USP22: variants seen among roughly 807,000 people sequenced by gnomAD.
USP22 encodes the protein ubiquitin specific peptidase 22.
In USP22, 22 loss-of-function variants were observed where a neutral mutation model predicts 68.1. The ratio of observed to expected loss-of-function variants is 0.32; its 90% CI spans 0.23 to 0.46. USP22 has a LOEUF of 0.46. Among genes scored for constraint, USP22 ranks in the 20% least tolerant of loss-of-function variants. The pLI is 1.00. For synonymous variants in USP22, 279 were observed against 274.2 expected (o/e 1.02, Z -0.17); for missense variants, 433 against 695.8 (o/e 0.62, Z 4.25).
chr17:21,042,907 G>A lies in USP22; in HGVS notation c.-72C>T. On this transcript the variant is annotated 5_prime_UTR_variant, in exon 1 of 13. Transcript: ENST00000261497. ...GAGGACGACGCCAGCGCGGCGTGGG[G>A]GCTGCTCGGCGGCTGGCCAGGCTGG... 1 of 1,065,300 alleles carries A rather than the reference G, an allele frequency of 9.4e-7. No individual in the cohort carries two copies. Among genetic ancestry groups the A allele is most frequent in the South Asian group, 4.4e-5 (1 of 22,714 alleles). 66.0% of individuals were successfully genotyped at this position (1,065,300 alleles called of 1,614,324 possible). A position where few individuals can be genotyped will look rare whatever the true frequency, so the allele number is the denominator to read the frequency against.
At chr17:21,018,714 A>AC (rs1239336601) in intron 4 of USP22, among the ~76,000 whole-genome samples, 1 of 151,430 alleles carries the variant, frequency 6.6e-6, no homozygotes, top group Non-Finnish European at 1.5e-5. Context: ...GAAAAAGAAA[A>AC]AGTTTTAAAG....
chr17:21,002,911 G>A lies in USP22; in HGVS notation c.*120C>T, dbSNP rs1355972440. On this transcript the variant is annotated 3_prime_UTR_variant, in exon 13 of 13. Coordinates refer to ENST00000261497, the MANE Select transcript of USP22 (RefSeq NM_015276.2). ...GCAGAGGGGCCACATCTGCATGGGA[G>A]GTGGTGTCACCAGGCCGGGGAGGCG... The A allele has an allele frequency of 1.6e-6, 2 of 1,215,694 alleles. No individual in the cohort carries two copies. The highest frequency in any genetic ancestry group is 3.0e-5 in the African/African-American group (2 of 67,102). 75.3% of individuals were successfully genotyped at this position (1,215,694 alleles called of 1,614,324 possible).
chr17:21,025,507 C>G (rs989361362), intron 2 of USP22, among the ~76,000 whole-genome samples: 2 of 152,122 alleles, frequency 1.3e-5, no homozygotes, highest in African/African-American at 4.8e-5. Flanking sequence ...AGGTATACAT[C>G]CAAGAGAAAT....
Position 21,004,790 on chromosome 17 carries a change from ATAGT to A in USP22, c.1385+134_1385+137del. 6.9e-4 allele frequency: 61 copies of A among 88,472 alleles called. 21 individuals carry two copies. In the South Asian group the frequency reaches 7.8e-3, roughly 11 times the overall value. 5.5% of individuals were successfully genotyped at this position (88,472 alleles called of 1,614,324 possible). On this transcript the variant is annotated intron_variant, in intron 11 of 12. Transcript: ENST00000261497. ...TTCCTAGTGGAGCTGCGGGCAGCCAATAGTGGAGCTGCGGGCAGCCAAGCGGGAA... is the reference window on the plus strand; with the variant it reads ...TTCCTAGTGGAGCTGCGGGCAGCCAAGGAGCTGCGGGCAGCCAAGCGGGAA...
chr17:21,033,863 C>T (rs1400367648), intron 1 of USP22, among the ~76,000 whole-genome samples: 1 of 151,968 alleles, frequency 6.6e-6, no homozygotes, highest in African/African-American at 2.4e-5. Context: ...ATTCCCCTGC[C>T]TCAGCCTCCC....
intron 11 of USP22, 64 bp downstream of exon 11, chr17:21,004,864 C>T: frequency 1.3e-6 from 2 of 1,587,764 alleles, no homozygotes; most frequent in South Asian, 1.1e-5. Flanking sequence ...ACAAGGCAGA[C>T]AGGAGCCCAC....
chr17:21,014,276 GT>G (rs1914064045), intron 6 of USP22, among the ~76,000 whole-genome samples: 1 of 152,296 alleles, frequency 6.6e-6, no homozygotes, highest in South Asian at 2.1e-4. Context: ...GTCACATTTT[GT>G]CATGTGAACA....
chr17:21,011,222 C>T lies in USP22; in HGVS notation c.1032G>A (p.Gly344=). The change falls in exon 8 of 13, where the codon GGG becomes GGA. Residue 344 remains glycine (G), a synonymous_variant. Coordinates refer to ENST00000261497, the MANE Select transcript of USP22 (RefSeq NM_015276.2). ...CCCCGTTTACCACGTTGCCCTCGCTCCCTGGGCTCAGGGGCCAGAATGGGG... is the reference window on the plus strand; with the variant it reads ...CCCCGTTTACCACGTTGCCCTCGCTTCCTGGGCTCAGGGGCCAGAATGGGG... ...SSTPFWPLSP[G]SEGNVVNGES... is the part of the protein sequence containing the mutation. 6.2e-7 allele frequency: 1 copy of T among 1,611,112 alleles called. No homozygotes were observed.
At chr17:21,019,280 G>C (rs914923985) in intron 3 of USP22, 95 bp from the exon 4 acceptor site, 20 of 1,284,848 alleles carry the variant, frequency 1.6e-5, no homozygotes, top group Admixed American at 3.4e-5. Context: ...CTGTCTGTCA[G>C]GGTGCATTTC....
At chr17:21,041,357 G>A (rs987411266) in intron 1 of USP22, among the ~76,000 whole-genome samples, 7 of 152,058 alleles carry the variant, frequency 4.6e-5, no homozygotes, top group African/African-American at 1.4e-4. Flanking sequence ...CAACACTTTG[G>A]GAGGCAGAGG....
At chr17:21,032,616 T>G (rs1201774230) in intron 1 of USP22, among the ~76,000 whole-genome samples, 1 of 152,180 alleles carries the variant, frequency 6.6e-6, no homozygotes. Flanking sequence ...CACATTCATT[T>G]TTATTCTATC....
chr17:21,036,646 C>A (rs1368602022), intron 1 of USP22, among the ~76,000 whole-genome samples: 1 of 151,972 alleles, frequency 6.6e-6, no homozygotes, highest in East Asian at 1.9e-4. Flanking sequence ...ATTTTCTCTG[C>A]TGGACAGAGA....
intron 1 of USP22, among the ~76,000 whole-genome samples, chr17:21,029,534 T>G (rs1185495114): frequency 6.6e-6 from 1 of 152,228 alleles, no homozygotes; most frequent in Non-Finnish European, 1.5e-5. Context: ...ATGCTTATCA[T>G]AGTAGTAACT....
At chr17:21,008,080 C>A in intron 8 of USP22, 84 bp from the exon 9 acceptor site, 1 of 1,485,004 alleles carries the variant, frequency 6.7e-7, no homozygotes, top group South Asian at 1.3e-5. Flanking sequence ...TTATCTCTTT[C>A]ATTGGGTTGA....
At position 21,040,616 on chromosome 17, in the gene USP22, T is replaced by G. The variant is rs577619924; in HGVS notation, c.171+2049A>C. On this transcript the variant is annotated intron_variant, in intron 1 of 12. Coordinates refer to ENST00000261497, the MANE Select transcript of USP22 (RefSeq NM_015276.2). ...CCATAAGTAGCGCAAAAAAAAAAAG[T>G]AATTCTTAACTTTAGGAAATTAGGC... 2.6e-5 allele frequency among the ~76,000 whole-genome samples: 4 copies of G among 151,230 alleles called. No homozygotes were observed. The East Asian group carries it at 7.8e-4, about 29-fold the overall frequency.
intron 6 of USP22, 44 bp from the exon 7 acceptor site, chr17:21,012,979 T>C (rs977513668): frequency 3.2e-6 from 5 of 1,586,598 alleles, no homozygotes; most frequent in Admixed American, 1.7e-5. Flanking sequence ...TCCCCAAATA[T>C]GGGGAGTCTC....
intron 8 of USP22, 55 bp downstream of exon 8, chr17:21,011,096 G>A (rs1174465147): frequency 1.3e-6 from 2 of 1,528,736 alleles, no homozygotes; most frequent in Non-Finnish European, 1.8e-6. Context: ...TCCTGATGGA[G>A]CACAGCCTTC....
chr17:21,026,862 T>C (rs967630860), intron 2 of USP22, among the ~76,000 whole-genome samples: 1 of 149,736 alleles, frequency 6.7e-6, no homozygotes, highest in Non-Finnish European at 1.5e-5. Context: ...AGTGCAGTGG[T>C]GCGATCTCGG....
At chr17:21,036,981 T>G (rs1972366104) in intron 1 of USP22, among the ~76,000 whole-genome samples, 1 of 152,122 alleles carries the variant, frequency 6.6e-6, no homozygotes, top group South Asian at 2.1e-4. Flanking sequence ...ACACATAAGA[T>G]GATCCCAGAA....
Sources: allele counts gnomAD v4.1 joint callset (sites outside exome capture counted in the v4.1 genomes callset), GRCh38; gene constraint gnomAD v4.1.1; transcripts MANE v1.5; gene names NCBI Gene and HGNC (gene_info 2026-07-23, HGNC 2026-07-21).